Variants in IL1R2 observed in about 807,000 individuals in gnomAD.
The protein encoded by IL1R2 is interleukin-1 receptor type 2.
In IL1R2, 46 loss-of-function variants were observed where a neutral mutation model predicts 39.5. The observed-to-expected ratio is 1.16, with a 90% confidence interval of 0.92 to 1.49. The LOEUF (loss-of-function observed/expected upper bound fraction) is 1.49. IL1R2 is among the 40% of genes most tolerant of loss of function. IL1R2 has a pLI of 0.00. For missense variants in IL1R2, 537 were observed against 502.0 expected (o/e 1.07, Z -0.67); for synonymous variants, 207 against 189.6 (o/e 1.09, Z -0.75).
chr2:102,016,119 C>T (rs1380467453), intron 4 of IL1R2, 68 bp downstream of exon 4: 1 of 1,265,156 alleles, frequency 7.9e-7, no homozygotes, highest in East Asian at 2.5e-5. Context: ...AAAAGAAAGA[C>T]TTAAAATATC....
chr2:102,005,113 G>A (rs1337910259), intron 1 of IL1R2, among the ~76,000 whole-genome samples: 2 of 152,194 alleles, frequency 1.3e-5, no homozygotes, highest in African/African-American at 4.8e-5. Flanking sequence ...GCTCTGTGAA[G>A]CGTTAGCTAC....
At chr2:102,013,554 G>GAAAAAAAAAAAAA (rs1577711343) in intron 3 of IL1R2, among the ~76,000 whole-genome samples, 8 of 31,638 alleles carry the variant, frequency 2.5e-4, no homozygotes, top group Admixed American at 7.3e-4. Flanking sequence ...AAAAAAAAAG[G>GAAAAAAAAAAAAA]AAAGAAAGAA....
At chr2:102,022,319 G>A (rs1677455059) in intron 6 of IL1R2, 70 bp downstream of exon 6, 12 of 1,333,690 alleles carry the variant, frequency 9.0e-6, no homozygotes, top group Non-Finnish European at 1.3e-5. Context: ...CAGGGGGCTT[G>A]GGACCCTTGC....
At chr2:102,004,440 A>G (rs887976595) in intron 1 of IL1R2, among the ~76,000 whole-genome samples, 5 of 148,286 alleles carry the variant, frequency 3.4e-5, no homozygotes, top group African/African-American at 1.0e-4. Context: ...CCTGTTTTTC[A>G]TCATATGCCT....
At chr2:102,000,767 C>G (rs1016719207) in intron 1 of IL1R2, among the ~76,000 whole-genome samples, 23 of 148,634 alleles carry the variant, frequency 1.5e-4, no homozygotes, top group African/African-American at 5.7e-4. Context: ...TTTGTCATTC[C>G]TTAGCTCTGT....
At chr2:102,024,049 AAAAAC>A (rs1165604751) in intron 6 of IL1R2, among the ~76,000 whole-genome samples, 1 of 98,086 alleles carries the variant, frequency 1.0e-5, no homozygotes, top group Admixed American at 9.5e-5. Context: ...ACTCCATCTC[AAAAAC>A]AAAACAAAAC....
At chr2:102,013,796 A>T (rs746848286) in intron 3 of IL1R2, among the ~76,000 whole-genome samples, 3 of 152,120 alleles carry the variant, frequency 2.0e-5, no homozygotes, top group African/African-American at 7.2e-5. Flanking sequence ...TAGAGCAGGA[A>T]GCCTGCTTTG....
At chr2:102,009,457 C>T in intron 2 of IL1R2, 105 bp from the exon 3 acceptor site, 1 of 1,294,354 alleles carries the variant, frequency 7.7e-7, no homozygotes, top group Non-Finnish European at 1.1e-6. Context: ...CAAATGTGCT[C>T]CAGGTTTCCC....
At chr2:102,000,913 A>C (rs1449360335) in intron 1 of IL1R2, among the ~76,000 whole-genome samples, 1 of 152,220 alleles carries the variant, frequency 6.6e-6, no homozygotes, top group Admixed American at 6.5e-5. Context: ...TCTTACACAA[A>C]TACCAGGCTG....
chr2:102,028,149 T>C, intron 8 of IL1R2, 77 bp from the exon 9 acceptor site: 1 of 1,239,864 alleles, frequency 8.1e-7, no homozygotes. Flanking sequence ...TTTCTTATCT[T>C]GTACACCTGC....
At chr2:102,013,305 G>A (rs527948330) in intron 3 of IL1R2, among the ~76,000 whole-genome samples, 42 of 152,114 alleles carry the variant, frequency 2.8e-4, no homozygotes, top group Non-Finnish European at 5.7e-4. Context: ...AATTGAGTGA[G>A]AATCACCAGC....
Position 102,024,994 on chromosome 2 carries a change from CCTGA to C in IL1R2, c.887+329_887+332del, listed in dbSNP as rs1305088826. 2.6e-5 allele frequency among the ~76,000 whole-genome samples: 4 copies of C among 152,164 alleles called. No individual in the cohort carries two copies. The East Asian group carries it at 5.8e-4, about 22-fold the overall frequency. On this transcript the variant is annotated intron_variant, in intron 7 of 8. Transcript: ENST00000332549. ...TATCTTTCCATTTTCCACTCTGCAACCTGACTATCAAACATTTTCATAAACCCTT... is the reference window on the plus strand; with the variant it reads ...TATCTTTCCATTTTCCACTCTGCAACCTATCAAACATTTTCATAAACCCTT...
intron 8 of IL1R2, among the ~76,000 whole-genome samples, chr2:102,027,931 C>G (rs541806949): frequency 5.3e-5 from 8 of 152,334 alleles, no homozygotes; most frequent in Non-Finnish European, 1.2e-4. Flanking sequence ...CAGACAGCAT[C>G]TTAAACGCAC....
Position 102,015,876 on chromosome 2 carries a change from C to T in IL1R2, c.338C>T (p.Ala113Val). ...TTTTTTCCCTTTTAAATCAGAAATG[C>T]TTCTTACTGTGACAAAATGTCCATT... ...SGTYVCTTRN[A>V]SYCDKMSIEL... The change falls in exon 4 of 9, where the codon GCT becomes GTT. Residue 113 changes from alanine to valine, a missense_variant. Coordinates refer to ENST00000332549, the MANE Select transcript of IL1R2 (RefSeq NM_004633.4). The T allele has an allele frequency of 1.2e-6, 2 of 1,611,116 alleles. No homozygotes were observed. Among genetic ancestry groups the T allele is most frequent in the South Asian group, 2.2e-5 (2 of 90,776 alleles).
chr2:102,000,925 G>A (rs1675825628), intron 1 of IL1R2, among the ~76,000 whole-genome samples: 1 of 152,208 alleles, frequency 6.6e-6, no homozygotes, highest in Non-Finnish European at 1.5e-5. Context: ...ACCAGGCTGG[G>A]AGAATTTGAA....
intron 1 of IL1R2, among the ~76,000 whole-genome samples, chr2:102,006,361 CAG>C (rs758106862): frequency 3.3e-5 from 5 of 152,108 alleles, no homozygotes; most frequent in African/African-American, 4.8e-5. Flanking sequence ...TGTGTAGAAA[CAG>C]AGTTTAAGGG....
rs186115581 is a variant in IL1R2 at position 102,021,169 on chromosome 2, C to T, written c.689-1018C>T. 2.5e-4 allele frequency among the ~76,000 whole-genome samples: 38 copies of T among 152,232 alleles called. No homozygotes were observed. The East Asian group carries it at 7.3e-3, about 29-fold the overall frequency. On this transcript the variant is annotated intron_variant, in intron 5 of 8. Coordinates refer to ENST00000332549, the MANE Select transcript of IL1R2 (RefSeq NM_004633.4). ...CCTGCCATGCTGTCTAATGTGTACT[C>T]ATGTCAGGATTTCAAAATGCTGTTT...
At position 102,015,850 on chromosome 2, in the gene IL1R2, T is replaced by A; in HGVS notation, c.333-21T>A. 1.9e-6 allele frequency: 3 copies of A among 1,593,634 alleles called. 1 individual carries two copies. The highest frequency in any genetic ancestry group is 2.6e-6 in the Non-Finnish European group (3 of 1,162,962). ...TTTTATTTTGCCTTGCCATTTATCTTTTTTTTCCCTTTTAAATCAGAAATG... is the reference window on the plus strand; with the variant it reads ...TTTTATTTTGCCTTGCCATTTATCTATTTTTTCCCTTTTAAATCAGAAATG... On this transcript the variant is annotated intron_variant, in intron 3 of 8. Coordinates refer to ENST00000332549, the MANE Select transcript of IL1R2 (RefSeq NM_004633.4).
At chr2:102,010,630 A>C (rs1436350537) in intron 3 of IL1R2, among the ~76,000 whole-genome samples, 2 of 151,928 alleles carry the variant, frequency 1.3e-5, no homozygotes, top group African/African-American at 4.8e-5. Context: ...TGAGGGAACC[A>C]AGCTGGCTTG....
Sources: allele counts gnomAD v4.1 joint callset (sites outside exome capture counted in the v4.1 genomes callset), GRCh38; gene constraint gnomAD v4.1.1; transcripts MANE v1.5; gene names NCBI Gene and HGNC (gene_info 2026-07-23, HGNC 2026-07-21).